Variants in DCAF13 observed in about 807,000 individuals in gnomAD.
DCAF13 encodes the protein DDB1- and CUL4-associated factor 13.
DCAF13 carries 38 observed loss-of-function variants against 59.0 expected under a neutral mutation model. The observed-to-expected ratio is 0.64, with a 90% CI of 0.50 to 0.84. The LOEUF is 0.84. DCAF13 is among the 40% of genes least tolerant of loss of function. DCAF13 has a pLI of 0.00. For synonymous variants in DCAF13, 173 were observed against 175.0 expected, an observed-to-expected ratio of 0.99 and a Z score of 0.09; for missense variants, 469 against 558.4, an observed-to-expected ratio of 0.84 and a Z score of 1.61.
intron 1 of DCAF13, among the ~76,000 whole-genome samples, chr8:103,417,654 A>G (rs866338395): frequency 2.2e-4 from 33 of 151,794 alleles, no homozygotes; most frequent in African/African-American, 7.5e-4. Flanking sequence ...AAAAAAAAAA[A>G]AAAAAAGAAC....
chr8:103,431,780 T>C (rs966758853), intron 6 of DCAF13, among the ~76,000 whole-genome samples: 2 of 152,148 alleles, frequency 1.3e-5, no homozygotes, highest in Non-Finnish European at 1.5e-5. Flanking sequence ...TACCTAACAC[T>C]CATTCTGTTT....
In DCAF13 at chr8:103,426,093, A is replaced by G. The variant is rs902490860; in HGVS notation, c.416A>G (p.Asp139Gly). 8 of 1,612,938 alleles carry G rather than the reference A, an allele frequency of 5.0e-6. No homozygotes were observed. The highest frequency in any genetic ancestry group is 6.8e-6 in the Non-Finnish European group (8 of 1,179,392). The change falls in exon 4 of 11, where the codon GAT (aspartate) becomes GGT (glycine). Residue 139 changes from aspartate (D) to glycine (G), a missense_variant. Physicochemically the swap from Asp to Gly is moderately conservative, Grantham distance 94. Around this residue, in one of 3 missense-constraint regions of DCAF13, gnomAD observed 355 missense variants for 399.1 expected, o/e 0.89. Transcript: ENST00000612750. Reference sequence around the variant, plus strand: ...AAAACTGTGAAGCAGTGGAAAATGGATGGGCCAGGCTATGGAGACGAGGAA... The same window carrying G: ...AAAACTGTGAAGCAGTGGAAAATGGGTGGGCCAGGCTATGGAGACGAGGAA... Reference protein sequence around the residue: ...DDKTVKQWKMDGPGYGDEEEP... With the variant: ...DDKTVKQWKMGGPGYGDEEEP...
chr8:103,435,877 A>G (rs1362540963), intron 8 of DCAF13, 87 bp downstream of exon 8: 3 of 1,370,356 alleles, frequency 2.2e-6, no homozygotes, highest in Non-Finnish European at 2.1e-6. Flanking sequence ...GGGCGATTTC[A>G]TCATTGTGTG....
intron 4 of DCAF13, among the ~76,000 whole-genome samples, chr8:103,426,587 CA>C (rs934900636): frequency 3.9e-5 from 6 of 151,960 alleles, no homozygotes; most frequent in African/African-American, 4.8e-5. Context: ...ATGTTTCTAC[CA>C]AATTATTCTG....
In DCAF13 at chr8:103,442,974, A is replaced by G; in HGVS notation, c.*92A>G. ...AAGTGCTGGGACTAGATTAATTGCA[A>G]ACATTTTAGTTATATGTGTAGAGCT... On this transcript the variant is annotated 3_prime_UTR_variant, in exon 11 of 11. Coordinates refer to ENST00000612750, the MANE Select transcript of DCAF13 (RefSeq NM_015420.7). The G allele has an allele frequency of 1.2e-6, 1 of 862,708 alleles. No homozygotes were observed. The highest frequency in any genetic ancestry group is 1.8e-5 in the South Asian group (1 of 54,728). The allele number at this position is 862,708 out of a possible 1,614,324, so 53.4% of individuals were successfully genotyped here. A position where few individuals can be genotyped will look rare whatever the true frequency, so the allele number is the denominator to read the frequency against.
intron 7 of DCAF13, among the ~76,000 whole-genome samples, 169 bp downstream of exon 7, chr8:103,432,910 A>G (rs1257410180): frequency 6.6e-6 from 1 of 152,172 alleles, no homozygotes; most frequent in Admixed American, 6.5e-5. Flanking sequence ...CTTCTTAGAA[A>G]AGTATTTATT....
Position 103,435,668 on chromosome 8 carries a change from G to A in DCAF13, c.828G>A (p.Met276Ile), listed in dbSNP as rs144632227. The change falls in exon 8 of 11, where the codon ATG becomes ATA. Residue 276 changes from methionine to isoleucine, a missense_variant. This residue lies in a region of DCAF13 where 355 missense variants were observed against 399.1 expected (regional missense o/e 0.89). Coordinates refer to ENST00000612750, the MANE Select transcript of DCAF13 (RefSeq NM_015420.7). Reference sequence around the variant, plus strand: ...TGCGTGCACTGGACACTCCTGTAATGGTCCATATGGATCATGTATCTGCAG... The same window carrying A: ...TGCGTGCACTGGACACTCCTGTAATAGTCCATATGGATCATGTATCTGCAG... Reference protein sequence around the residue: ...FDMRALDTPVMVHMDHVSAVL... With the variant: ...FDMRALDTPVIVHMDHVSAVL... 1.2e-6 allele frequency: 2 copies of A among 1,611,356 alleles called. No homozygotes were observed. The highest frequency in any genetic ancestry group is 1.7e-6 in the Non-Finnish European group (2 of 1,178,490).
chr8:103,435,542 T>C (rs868185541), intron 7 of DCAF13, 84 bp from the exon 8 acceptor site: 2 of 1,166,926 alleles, frequency 1.7e-6, no homozygotes, highest in South Asian at 3.3e-5. Context: ...TTGCAAATGG[T>C]TCTTGTTTTC....
At chr8:103,436,046 G>GT (rs1816927956) in intron 8 of DCAF13, among the ~76,000 whole-genome samples, 1 of 152,104 alleles carries the variant, frequency 6.6e-6, no homozygotes. Flanking sequence ...AGTGGTATTT[G>GT]TTTATGTAAA....
intron 2 of DCAF13, 66 bp from the exon 3 acceptor site, chr8:103,420,909 G>A: frequency 8.5e-7 from 1 of 1,170,020 alleles, no homozygotes; most frequent in Non-Finnish European, 1.3e-6. Context: ...CCTTGTCAGT[G>A]TTGAATTTAT....
At chr8:103,420,581 C>T (rs752439573) in intron 2 of DCAF13, 118 bp downstream of exon 2, 13 of 1,098,348 alleles carry the variant, frequency 1.2e-5, no homozygotes, top group Non-Finnish European at 1.7e-5. Context: ...CTTCTCAAGA[C>T]TAAATTTCGT....
In DCAF13 at chr8:103,432,621, A is replaced by G. The variant is rs529411296; in HGVS notation, c.703-38A>G. ...TTAAATCAGTGGGGAAAAGAAAAGGAAAGGAAGTGGGAAATTCATCCATTC... is the reference window on the plus strand; with the variant it reads ...TTAAATCAGTGGGGAAAAGAAAAGGGAAGGAAGTGGGAAATTCATCCATTC... On this transcript the variant is annotated intron_variant, in intron 6 of 10. Transcript: ENST00000612750. The G allele has an allele frequency of 3.0e-6, 4 of 1,322,524 alleles. No individual in the cohort carries two copies. The South Asian group carries it at 4.8e-5, about 16-fold the overall frequency. 81.9% of individuals were successfully genotyped at this position (1,322,524 alleles called of 1,614,324 possible).
intron 5 of DCAF13, chr8:103,429,155 G>C (rs1267937086): frequency 6.6e-6 from 1 of 152,152 alleles, no homozygotes; most frequent in Non-Finnish European, 1.5e-5. Context: ...GTGGCATTTG[G>C]TCTAGGTAGA....
intron 10 of DCAF13, 52 bp from the exon 11 acceptor site, chr8:103,442,743 C>T: frequency 8.1e-7 from 1 of 1,239,022 alleles, no homozygotes; most frequent in Non-Finnish European, 1.1e-6. Context: ...AGAAAGTTTT[C>T]TTTAAGATGA....
intron 1 of DCAF13, among the ~76,000 whole-genome samples, chr8:103,417,187 T>G (rs929419545): frequency 2.0e-5 from 3 of 152,220 alleles, no homozygotes; most frequent in African/African-American, 7.2e-5. Context: ...AGTGGGGAAT[T>G]GATTCCAGTA....
At chr8:103,423,917 G>A (rs1227922053) in intron 3 of DCAF13, among the ~76,000 whole-genome samples, 1 of 151,972 alleles carries the variant, frequency 6.6e-6, no homozygotes, top group Non-Finnish European at 1.5e-5. Flanking sequence ...TGCCCAGGCC[G>A]ATGTTGAACT....
intron 9 of DCAF13, chr8:103,440,848 A>T (rs1272532417): frequency 6.6e-6 from 1 of 152,190 alleles, no homozygotes; most frequent in African/African-American, 2.4e-5. Flanking sequence ...TTTCTATAAG[A>T]AACAGAGTGT....
intron 2 of DCAF13, 51 bp downstream of exon 2, chr8:103,420,514 A>G: frequency 6.5e-7 from 1 of 1,545,810 alleles, no homozygotes; most frequent in Non-Finnish European, 8.8e-7. Flanking sequence ...TATATTACAA[A>G]TGTTTTCCCT....
intron 2 of DCAF13, 66 bp downstream of exon 2, chr8:103,420,529 T>C: frequency 6.7e-7 from 1 of 1,499,310 alleles, no homozygotes; most frequent in Non-Finnish European, 9.1e-7. Flanking sequence ...TTCCCTTTAG[T>C]TTTTAGTTAC....
Sources: gnomAD v4.1 joint callset for allele counts (sites outside exome capture counted in the v4.1 genomes callset) on GRCh38, gnomAD v4.1.1 for gene constraint, gnomAD v4.1.1 regional missense constraint, MANE v1.5 for transcripts, NCBI Gene and HGNC (gene_info 2026-07-23, HGNC 2026-07-21) for gene names.